CCKAR: variants seen among roughly 807,000 people sequenced by gnomAD.
CCKAR encodes the protein cholecystokinin receptor type A.
CCKAR carries 21 observed loss-of-function variants against 29.8 expected under a neutral mutation model. The observed-to-expected ratio is 0.70, with a 90% CI of 0.50 to 1.01. CCKAR has a LOEUF of 1.01. CCKAR is among the 50% of genes least tolerant of loss of function. The pLI is 0.00. For synonymous variants in CCKAR, 238 were observed against 221.3 expected (o/e 1.08, Z -0.67); for missense variants, 570 against 560.6 (o/e 1.02, Z -0.17).
Position 26,481,628 on chromosome 4 carries a change from A to T in CCKAR, c.*10T>A, listed in dbSNP as rs746278975. 6.2e-7 allele frequency: 1 copy of T among 1,613,730 alleles called. No individual in the cohort carries two copies. On this transcript the variant is annotated 3_prime_UTR_variant, in exon 5 of 5. Transcript: ENST00000295589. ...TGCCTTCCTTCTGCGGTGGAGGGTC[A>T]GGGGACATCTCACTGGGGTGGCACC...
chr4:26,490,278 T>C lies in CCKAR; in HGVS notation c.-11A>G, dbSNP rs746025462. ...GTCAACCACATCCATCCTTGCCTGC[T>C]GCTTTCCACCAAGTGCTGGAGAGCT... On this transcript the variant is annotated 5_prime_UTR_variant, in exon 1 of 5. Coordinates refer to ENST00000295589, the MANE Select transcript of CCKAR (RefSeq NM_000730.3). 1 of 1,559,372 alleles carries C rather than the reference T, an allele frequency of 6.4e-7. No homozygotes were observed. Among genetic ancestry groups the C allele is most frequent in the East Asian group, 2.2e-5 (1 of 44,584 alleles).
chr4:26,482,443 ACT>A (rs1190915408), intron 4 of CCKAR, among the ~76,000 whole-genome samples: 2 of 152,070 alleles, frequency 1.3e-5, no homozygotes, highest in African/African-American at 4.8e-5. Context: ...GAATATTCAC[ACT>A]CTTCTCCTTT....
chr4:26,487,604 C>T (rs1737473829), intron 2 of CCKAR, among the ~76,000 whole-genome samples: 1 of 152,050 alleles, frequency 6.6e-6, no homozygotes, highest in Non-Finnish European at 1.5e-5. Flanking sequence ...ATTAAAAATC[C>T]AACAAAATTA....
rs1482737587 is a variant in CCKAR at position 26,482,112 on chromosome 4, CA to C, written c.812del (p.Leu271ArgfsTer35). 1 of 1,614,048 alleles carries C rather than the reference CA, an allele frequency of 6.2e-7. No homozygotes were observed. The highest frequency in any genetic ancestry group is 8.5e-7 in the Non-Finnish European group (1 of 1,180,022). On this transcript the variant is annotated frameshift_variant, in exon 5 of 5. Transcript: ENST00000295589. LOFTEE classifies it high-confidence loss of function. ...GCTTCCTCGGGGGCCTGGTCTTTTG[CA>C]GGTAACACCCATCGCTGTCCTCATA... Reference protein sequence around the residue: ...GKYEDSDGCYLQKTRPPRKLE... With the variant: ...GKYEDSDGCYXQKTRPPRKLE...
intron 4 of CCKAR, among the ~76,000 whole-genome samples, 173 bp from the exon 5 acceptor site, chr4:26,482,343 T>C (rs773356638): frequency 6.6e-6 from 1 of 152,188 alleles, no homozygotes; most frequent in Non-Finnish European, 1.5e-5. Context: ...AGTTCTTCCC[T>C]TCAATGAAAT....
At chr4:26,485,488 G>T in intron 3 of CCKAR, 149 bp downstream of exon 3, 1 of 724,394 alleles carries the variant, frequency 1.4e-6, no homozygotes. Context: ...TTGCTATCGT[G>T]ATTATCCTAG....
In CCKAR at chr4:26,481,652, C is replaced by T. The variant is rs367831003; in HGVS notation, c.1273G>A (p.Val425Met). Residue 425 changes from valine (V) to methionine (M), a missense_variant, in exon 5 of 5, where the codon GTG (valine) becomes ATG (methionine). Coordinates refer to ENST00000295589, the MANE Select transcript of CCKAR (RefSeq NM_000730.3). ...CAGGGGACATCTCACTGGGGTGGCA[C>T]CGAGGCACTCATATGGCTGTACGAG... ...RFSYSHMSAS[V>M]PPQ 6.2e-7 allele frequency: 1 copy of T among 1,614,192 alleles called. No individual in the cohort carries two copies. The highest frequency in any genetic ancestry group is 8.5e-7 in the Non-Finnish European group (1 of 1,180,040).
intron 3 of CCKAR, 92 bp from the exon 4 acceptor site, chr4:26,483,375 T>C (rs918107105): frequency 5.5e-6 from 7 of 1,282,530 alleles, no homozygotes; most frequent in African/African-American, 4.5e-5. Context: ...TTATTTTTAC[T>C]GGCCTGAGCA....
intron 1 of CCKAR, among the ~76,000 whole-genome samples, 191 bp downstream of exon 1, chr4:26,489,965 A>T (rs1737526082): frequency 6.6e-6 from 1 of 151,838 alleles, no homozygotes; most frequent in Non-Finnish European, 1.5e-5. Context: ...CAACTCCCCC[A>T]TGGGGGACAA....
chr4:26,488,295 T>C (rs2109880961), intron 2 of CCKAR, among the ~76,000 whole-genome samples: 1 of 152,316 alleles, frequency 6.6e-6, no homozygotes, highest in East Asian at 1.9e-4. Flanking sequence ...ATGCTCACCA[T>C]TGTGTGGCTA....
chr4:26,485,989 T>C, intron 2 of CCKAR, 91 bp from the exon 3 acceptor site: 1 of 1,149,346 alleles, frequency 8.7e-7, no homozygotes, highest in South Asian at 1.5e-5. Flanking sequence ...CTGCACAGGT[T>C]TGATATCAAA....
intron 3 of CCKAR, 34 bp from the exon 4 acceptor site, chr4:26,483,317 A>G: frequency 6.2e-7 from 1 of 1,606,344 alleles, no homozygotes; most frequent in Non-Finnish European, 8.5e-7. Context: ...ATAACCAGCA[A>G]CTTTAGACCT....
intron 3 of CCKAR, among the ~76,000 whole-genome samples, chr4:26,484,454 C>A (rs1354800494): frequency 6.6e-6 from 1 of 152,088 alleles, no homozygotes; most frequent in Non-Finnish European, 1.5e-5. Flanking sequence ...ATTTGTGTAG[C>A]CTTTTTTATA....
rs773426348 is a variant in CCKAR, at chr4:26,481,748, G to A, written c.1177C>T (p.Pro393Ser). 2 of 1,614,168 alleles carry A rather than the reference G, an allele frequency of 1.2e-6. No individual in the cohort carries two copies. Among genetic ancestry groups the A allele is most frequent in the Non-Finnish European group, 8.5e-7 (1 of 1,180,004 alleles). ...ATFPCCPNPG[P>S]PGARGEVGEE... ...CCCACCTCTCCCCTCGCCCCTGGGG[G>A]ACCAGGATTGGGGCAGCAGGGGAAG... Residue 393 changes from proline (P) to serine (S), a missense_variant, in exon 5 of 5, where the codon CCC becomes TCC. By Grantham distance (74) the Pro-to-Ser change is moderately conservative. Coordinates refer to ENST00000295589, the MANE Select transcript of CCKAR (RefSeq NM_000730.3).
intron 2 of CCKAR, among the ~76,000 whole-genome samples, chr4:26,487,647 T>C (rs1406164025): frequency 1.3e-5 from 2 of 152,240 alleles, no homozygotes; most frequent in Admixed American, 1.3e-4. Context: ...AGAATGATGT[T>C]GCTTTTCTTT....
In CCKAR at chr4:26,489,263, C is replaced by T; in HGVS notation, c.334G>A (p.Ala112Thr). 2 of 1,614,018 alleles carry T rather than the reference C, an allele frequency of 1.2e-6. No individual in the cohort carries two copies. Among genetic ancestry groups the T allele is most frequent in the Admixed American group, 1.7e-5 (1 of 60,010 alleles). ...AAGTAGGTGGTGGTCTTGCAAACGG[C>T]GCTCCCGAAGATGAAATCCTTGAGC... is the stretch of plus-strand genomic sequence containing the variant. ...NLLKDFIFGSAVCKTTTYFMG... is the reference protein window; with the variant it reads ...NLLKDFIFGSTVCKTTTYFMG... The change falls in exon 2 of 5, where the codon GCC becomes ACC. Residue 112 changes from alanine (A) to threonine (T), a missense_variant. Ala to Thr is a moderately conservative substitution (Grantham distance 58, BLOSUM62 0). Coordinates refer to ENST00000295589, the MANE Select transcript of CCKAR (RefSeq NM_000730.3).
In CCKAR at chr4:26,485,793, TG is replaced by T; in HGVS notation, c.469del (p.His157MetfsTer3). 1 of 1,614,074 alleles carries T rather than the reference TG, an allele frequency of 6.2e-7. No homozygotes were observed. Among genetic ancestry groups the T allele is most frequent in the Non-Finnish European group, 8.5e-7 (1 of 1,180,002 alleles). On this transcript the variant is annotated frameshift_variant, in exon 3 of 5. Coordinates refer to ENST00000295589, the MANE Select transcript of CCKAR (RefSeq NM_000730.3). LOFTEE classifies it high-confidence loss of function. ...GGTAGCAGCAATCACCTTCAAAGCA[TG>T]GGATTTTGTCTGCCAGACCCGGGAC... is the stretch of plus-strand genomic sequence containing the variant. ...LQSRVWQTKS[H>X]ALKVIAATWC...
At chr4:26,485,613 T>A in intron 3 of CCKAR, 24 bp downstream of exon 3, 1 of 1,608,908 alleles carries the variant, frequency 6.2e-7, no homozygotes, top group Non-Finnish European at 8.5e-7. Context: ...GCTGTATTTT[T>A]AAAAATAAAC....
chr4:26,488,032 A>G (rs1395478687), intron 2 of CCKAR, among the ~76,000 whole-genome samples: 2 of 152,090 alleles, frequency 1.3e-5, no homozygotes, highest in African/African-American at 2.4e-5. Flanking sequence ...CACTTCCTCA[A>G]CTGGGAAAAA....
Sources: gnomAD v4.1 joint callset for allele counts (sites outside exome capture counted in the v4.1 genomes callset) on GRCh38, gnomAD v4.1.1 for gene constraint, MANE v1.5 for transcripts, NCBI Gene and HGNC (gene_info 2026-07-23, HGNC 2026-07-21) for gene names.